NDUFA10: variants seen among roughly 807,000 people sequenced by gnomAD.
NDUFA10 encodes the protein NADH dehydrogenase [ubiquinone] 1 alpha subcomplex subunit 10, mitochondrial.
Under a neutral mutation model 47.8 loss-of-function variants are expected in NDUFA10, and 40 were observed. The ratio of observed to expected loss-of-function variants is 0.84; its 90% CI spans 0.65 to 1.09. The LOEUF is 1.09. Ranked by LOEUF, NDUFA10 falls within the 50% of genes least tolerant of loss-of-function variation. The probability of loss-of-function intolerance (pLI) is 0.00; values close to 1 mark genes in which losing one functional copy is unlikely to be tolerated. For synonymous variants in NDUFA10, 183 were observed against 172.2 expected (o/e 1.06, Z -0.49); for missense variants, 413 against 451.1 (o/e 0.92, Z 0.76).
chr2:239,983,837 G>A (rs934593032), intron 9 of NDUFA10: 24 of 1,449,850 alleles, frequency 1.7e-5, no homozygotes, highest in Admixed American at 7.5e-5. Context: ...AAGGAGACAT[G>A]AGGACCCAAT....
chr2:239,974,026 A>G (rs1213112513), intron 9 of NDUFA10, among the ~76,000 whole-genome samples: 1 of 152,136 alleles, frequency 6.6e-6, no homozygotes, highest in African/African-American at 2.4e-5. Flanking sequence ...TCCTGGATTC[A>G]AGTGATTCTC....
At chr2:239,933,123 C>A (rs11884244) in intron 4 of NDUFA10, among the ~76,000 whole-genome samples, 1 of 151,838 alleles carries the variant, frequency 6.6e-6, no homozygotes, top group Admixed American at 6.6e-5. Context: ...CAGGTCACAT[C>A]GGAGTGAGGG....
At chr2:239,961,428 G>A (rs983139920) in intron 9 of NDUFA10, among the ~76,000 whole-genome samples, 11 of 152,158 alleles carry the variant, frequency 7.2e-5, no homozygotes, top group African/African-American at 1.9e-4. Context: ...AAATGGAAAC[G>A]AACTACTGAG....
intron 4 of NDUFA10, among the ~76,000 whole-genome samples, chr2:239,925,684 T>A (rs757040716): frequency 6.6e-5 from 10 of 152,178 alleles, no homozygotes; most frequent in Non-Finnish European, 1.5e-4. Context: ...AAATTGGACC[T>A]CACGCAAATT....
chr2:239,946,896 G>T (rs1277881053), intron 4 of NDUFA10, among the ~76,000 whole-genome samples: 1 of 152,242 alleles, frequency 6.6e-6, no homozygotes, highest in Non-Finnish European at 1.5e-5. Flanking sequence ...TAACTTCTCT[G>T]AACCTCAGGC....
At chr2:239,984,094 A>G (rs1695903900) in intron 9 of NDUFA10, among the ~76,000 whole-genome samples, 1 of 152,066 alleles carries the variant, frequency 6.6e-6, no homozygotes, top group Non-Finnish European at 1.5e-5. Context: ...TTAGCTGGGC[A>G]TGGTAGCAGG....
chr2:239,957,047 C>A (rs1283982590), downstream of NDUFA10, among the ~76,000 whole-genome samples: 1 of 152,230 alleles, frequency 6.6e-6, no homozygotes, highest in Non-Finnish European at 1.5e-5. Context: ...ACAGTGGGCT[C>A]TGGGGGGTGC....
intron 9 of NDUFA10, among the ~76,000 whole-genome samples, chr2:239,988,494 G>A (rs1696096839): frequency 6.6e-6 from 1 of 152,188 alleles, no homozygotes; most frequent in Admixed American, 6.5e-5. Flanking sequence ...TGAGATGGTG[G>A]GTTCTGCATT....
At chr2:239,917,835 C>G (rs1373943692) in intron 4 of NDUFA10, among the ~76,000 whole-genome samples, 2 of 152,246 alleles carry the variant, frequency 1.3e-5, no homozygotes, top group Admixed American at 6.5e-5. Flanking sequence ...CCCAAGGTCT[C>G]TCTCATCCTC....
intron 4 of NDUFA10, chr2:240,018,339 G>A: frequency 7.1e-7 from 1 of 1,401,962 alleles, no homozygotes; most frequent in African/African-American, 1.4e-5. Context: ...CTTTCACAGG[G>A]AGACATGACA....
At chr2:239,952,714 G>A (rs1694577079), downstream of NDUFA10, among the ~76,000 whole-genome samples, 1 of 152,314 alleles carries the variant, frequency 6.6e-6, no homozygotes, top group South Asian at 2.1e-4. Flanking sequence ...CTCTCCCCAC[G>A]GTGTGCACCA....
At chr2:239,937,539 G>A (rs1000693014) in intron 4 of NDUFA10, among the ~76,000 whole-genome samples, 1 of 152,148 alleles carries the variant, frequency 6.6e-6, no homozygotes, top group East Asian at 1.9e-4. Context: ...TCATTTTATG[G>A]CCTAATGAGT....
chr2:239,924,513 TA>T (rs1367424133), intron 4 of NDUFA10, among the ~76,000 whole-genome samples: 5 of 151,266 alleles, frequency 3.3e-5, no homozygotes, highest in East Asian at 1.9e-4. Flanking sequence ...TTTATGATGT[TA>T]AAAAAAAACC....
In NDUFA10 at chr2:239,959,974, T is replaced by G. The variant is rs1694782725; in HGVS notation, c.*1144A>C. On this transcript the variant is annotated 3_prime_UTR_variant, in exon 10 of 10. Coordinates refer to ENST00000252711, the MANE Select transcript of NDUFA10 (RefSeq NM_004544.4). ...AGAGCATCGTCCTCTGCACCAGCAC[T>G]GGAACTACTGCCCACAGGCGGCTGT... 1.0e-6 allele frequency: 1 copy of G among 985,376 alleles called. No homozygotes were observed. The highest frequency in any genetic ancestry group is 1.2e-6 in the Non-Finnish European group (1 of 829,936). 61.0% of individuals were successfully genotyped at this position (985,376 alleles called of 1,614,324 possible).
rs933224310 is a variant in NDUFA10, at chr2:239,959,626, GAGGC to G, written c.*1488_*1491del. 8 of 986,220 alleles carry G rather than the reference GAGGC, an allele frequency of 8.1e-6. No individual in the cohort carries two copies. Among genetic ancestry groups the G allele is most frequent in the Middle Eastern group, 1.0e-3 (2 of 1,980 alleles). 61.1% of individuals were successfully genotyped at this position (986,220 alleles called of 1,614,324 possible). Reference sequence around the variant, plus strand: ...TTTTCAAATTCTTAAAACAAGGAAGGAGGCAGGGAGGAAGGGAAGGGAGGAAAAC... The same window carrying G: ...TTTTCAAATTCTTAAAACAAGGAAGGAGGGAGGAAGGGAAGGGAGGAAAAC... On this transcript the variant is annotated 3_prime_UTR_variant, in exon 10 of 10. Coordinates refer to ENST00000252711, the MANE Select transcript of NDUFA10 (RefSeq NM_004544.4).
chr2:240,017,655 G>A (rs573663797), intron 4 of NDUFA10, among the ~76,000 whole-genome samples: 11 of 152,166 alleles, frequency 7.2e-5, no homozygotes, highest in Admixed American at 2.6e-4. Context: ...ACACTTGCTG[G>A]TGACCTGACC....
At chr2:239,943,160 A>G (rs970649475) in intron 4 of NDUFA10, 1 of 154,370 alleles carries the variant, frequency 6.5e-6, no homozygotes, top group African/African-American at 2.4e-5. Context: ...TTATCTTCCC[A>G]TGTCTGCCAG....
chr2:239,980,596 C>T (rs553958932), intron 9 of NDUFA10, among the ~76,000 whole-genome samples: 1 of 152,266 alleles, frequency 6.6e-6, no homozygotes, highest in Admixed American at 6.5e-5. Flanking sequence ...ACAGGGTTTC[C>T]AGTTATAAAG....
chr2:239,965,306 G>C (rs951456154), intron 9 of NDUFA10, among the ~76,000 whole-genome samples: 15 of 151,902 alleles, frequency 9.9e-5, no homozygotes, highest in Admixed American at 6.5e-4. Context: ...GAACCATGCG[G>C]GGGGGGAGGG....
Sources: gnomAD v4.1 joint callset for allele counts (sites outside exome capture counted in the v4.1 genomes callset) on GRCh38, gnomAD v4.1.1 for gene constraint, MANE v1.5 for transcripts, NCBI Gene and HGNC (gene_info 2026-07-23, HGNC 2026-07-21) for gene names.